Variants in ST3GAL1 observed in about 807,000 individuals in gnomAD.
The protein encoded by ST3GAL1 is CMP-N-acetylneuraminate-beta-galactosamide-alpha-2,3-sialyltransferase 1.
ST3GAL1 carries 16 observed loss-of-function variants against 34.1 expected under a neutral mutation model. The ratio of observed to expected loss-of-function variants is 0.47; its 90% CI spans 0.32 to 0.71. The LOEUF (loss-of-function observed/expected upper bound fraction) is 0.71. Among genes scored for constraint, ST3GAL1 ranks in the 30% least tolerant of loss-of-function variants. The pLI, the probability that ST3GAL1 is intolerant of heterozygous loss-of-function variation, is 0.04. For missense variants in ST3GAL1, 353 were observed against 447.4 expected (o/e 0.79, Z 1.90); for synonymous variants, 191 against 184.7 (o/e 1.03, Z -0.28).
chr8:133,541,102 T>TATATAAAC (rs1818507187), intron 2 of ST3GAL1, among the ~76,000 whole-genome samples: 1 of 44,002 alleles, frequency 2.3e-5, no homozygotes, highest in African/African-American at 1.5e-4. Context: ...TAAACATATA[T>TATATAAAC]ATATATATAT....
chr8:133,463,454 T>C lies in ST3GAL1; in HGVS notation c.689A>G (p.Tyr230Cys), dbSNP rs1292765500. The C allele has an allele frequency of 6.2e-7, 1 of 1,613,808 alleles. No homozygotes were observed. Among genetic ancestry groups the C allele is most frequent in the Non-Finnish European group, 8.5e-7 (1 of 1,179,972 alleles). The change falls in exon 8 of 10, where the codon TAC becomes TGC. Residue 230 changes from tyrosine to cysteine, a missense_variant. Coordinates refer to ENST00000522652, the MANE Select transcript of ST3GAL1 (RefSeq NM_173344.3). ...AITTGTISHT[Y>C]IPVPAKIRVK... Reference sequence around the variant, plus strand: ...TCTGATCTTTGCAGGAACCGGGATGTAGGTGCTGCAGTTGGAGAAAGAGAA... The same window carrying C: ...TCTGATCTTTGCAGGAACCGGGATGCAGGTGCTGCAGTTGGAGAAAGAGAA...
At chr8:133,549,692 G>C (rs1023270481) in intron 1 of ST3GAL1, among the ~76,000 whole-genome samples, 2 of 152,188 alleles carry the variant, frequency 1.3e-5, no homozygotes, top group Non-Finnish European at 2.9e-5. Flanking sequence ...GCCAGGCGTG[G>C]TGGCTCACGC....
In ST3GAL1 at chr8:133,481,326, G is replaced by A. The variant is rs184744400; in HGVS notation, c.-373-4726C>T. ...CTATTTCTGGTTTACTCTTACCCCT[G>A]GGGCATAGCCGTTCTCAACAGGTAA... On this transcript the variant is annotated intron_variant, in intron 3 of 9. Coordinates refer to ENST00000522652, the MANE Select transcript of ST3GAL1 (RefSeq NM_173344.3). 3.1e-3 allele frequency among the ~76,000 whole-genome samples: 479 copies of A among 152,238 alleles called. 3 individuals are homozygous for A. Among genetic ancestry groups the A allele is most frequent in the African/African-American group, 0.011 (458 of 41,536 alleles).
chr8:133,552,439 G>T (rs534237210), intron 1 of ST3GAL1, among the ~76,000 whole-genome samples: 3 of 152,210 alleles, frequency 2.0e-5, no homozygotes, highest in African/African-American at 4.8e-5. Context: ...AGAGCCGTTG[G>T]CTGGGCTGCA....
intron 3 of ST3GAL1, among the ~76,000 whole-genome samples, chr8:133,483,737 G>A (rs1207521344): frequency 1.3e-5 from 2 of 151,916 alleles, no homozygotes; most frequent in Non-Finnish European, 2.9e-5. Flanking sequence ...CACACTGGGG[G>A]AAATGTCAGG....
In ST3GAL1 at chr8:133,501,067, G is replaced by A. The variant is rs79312568; in HGVS notation, c.-428-1878C>T. 2.3e-3 allele frequency among the ~76,000 whole-genome samples: 348 copies of A among 152,236 alleles called. 3 individuals are homozygous for A. Among genetic ancestry groups the A allele is most frequent in the African/African-American group, 7.9e-3 (328 of 41,522 alleles). On this transcript the variant is annotated intron_variant, in intron 2 of 9. Coordinates refer to ENST00000522652, the MANE Select transcript of ST3GAL1 (RefSeq NM_173344.3). ...CACGGCCTTTAATCTGTCTCTCCTC[G>A]GCTAACAGAGCTCTCTAATAAACAA...
intron 2 of ST3GAL1, among the ~76,000 whole-genome samples, chr8:133,539,303 CCCA>C (rs1344574541): frequency 9.2e-5 from 14 of 152,178 alleles, no homozygotes; most frequent in Admixed American, 9.2e-4. Context: ...CACCAGGATT[CCCA>C]CCGCCAACTC....
At chr8:133,535,120 C>T (rs570670733) in intron 2 of ST3GAL1, among the ~76,000 whole-genome samples, 1 of 152,278 alleles carries the variant, frequency 6.6e-6, no homozygotes, top group Admixed American at 6.5e-5. Context: ...AAGCTGAGGG[C>T]TCCCCAGGAA....
intron 5 of ST3GAL1, among the ~76,000 whole-genome samples, chr8:133,470,028 C>G (rs1483580574): frequency 1.3e-5 from 2 of 152,194 alleles, no homozygotes; most frequent in Non-Finnish European, 2.9e-5. Flanking sequence ...CCTCCCCACA[C>G]CAGCTGAGAT....
intron 3 of ST3GAL1, among the ~76,000 whole-genome samples, chr8:133,490,459 G>A (rs1387839325): frequency 1.3e-5 from 2 of 152,250 alleles, no homozygotes; most frequent in Non-Finnish European, 2.9e-5. Flanking sequence ...ATCTGCTCAG[G>A]AGGAACCAGT....
At chr8:133,491,768 C>A (rs1293172244) in intron 3 of ST3GAL1, among the ~76,000 whole-genome samples, 1 of 152,082 alleles carries the variant, frequency 6.6e-6, no homozygotes, top group Admixed American at 6.5e-5. Flanking sequence ...CGACAGCAGG[C>A]ATTTCGCATG....
intron 3 of ST3GAL1, among the ~76,000 whole-genome samples, chr8:133,496,572 CAG>C (rs1344108837): frequency 6.6e-6 from 1 of 152,202 alleles, no homozygotes; most frequent in Non-Finnish European, 1.5e-5. Context: ...GTTCCATTTT[CAG>C]AGTCTCCAGG....
At chr8:133,555,275 C>T (rs1026460846) in intron 1 of ST3GAL1, among the ~76,000 whole-genome samples, 15 of 152,278 alleles carry the variant, frequency 9.9e-5, no homozygotes, top group African/African-American at 2.6e-4. Flanking sequence ...AGGAACAGCA[C>T]GCTTCCCTGG....
chr8:133,529,127 C>T (rs139819827), intron 2 of ST3GAL1, among the ~76,000 whole-genome samples: 218 of 152,320 alleles, frequency 1.4e-3, no homozygotes, highest in African/African-American at 4.8e-3. Flanking sequence ...GCCAGGCATA[C>T]GGGGCTCGCG....
intron 2 of ST3GAL1, among the ~76,000 whole-genome samples, chr8:133,509,924 T>C (rs1035963916): frequency 1.1e-4 from 16 of 152,098 alleles, no homozygotes; most frequent in Admixed American, 5.2e-4. Context: ...CTGGGCTTGG[T>C]GGCACACGCC....
chr8:133,478,442 C>A (rs1816260929), intron 3 of ST3GAL1, among the ~76,000 whole-genome samples: 1 of 152,194 alleles, frequency 6.6e-6, no homozygotes, highest in Admixed American at 6.5e-5. Flanking sequence ...GCTGAACAAC[C>A]CGAACAAATG....
chr8:133,505,474 G>A (rs905727349), intron 2 of ST3GAL1, among the ~76,000 whole-genome samples: 12 of 152,184 alleles, frequency 7.9e-5, no homozygotes, highest in Admixed American at 5.9e-4. Flanking sequence ...TCTGATCCAG[G>A]AAGCTGCTAT....
intron 2 of ST3GAL1, among the ~76,000 whole-genome samples, chr8:133,510,480 A>G (rs1051592531): frequency 5.3e-5 from 8 of 152,204 alleles, no homozygotes; most frequent in African/African-American, 7.2e-5. Flanking sequence ...CACTATGTAC[A>G]TGCCGGGCAA....
rs16904927 is a variant in ST3GAL1, at chr8:133,461,631, C to T, written c.849+244G>A. On this transcript the variant is annotated intron_variant, in intron 9 of 9. Transcript: ENST00000522652. This position sits in a 1 kb window ranked among gnomAD's most constrained non-coding sequence, Gnocchi z 4.7. ...TGCGAGATCCGAGCTTCCACCACCA[C>T]GGTCCTGGGCACTTACACAGAATGT... Among the ~76,000 whole-genome samples, 4,512 of 152,284 alleles carry T rather than the reference C, an allele frequency of 0.03. 113 individuals are homozygous for T. Among genetic ancestry groups the T allele is most frequent in the African/African-American group, 0.065 (2,697 of 41,552 alleles).
Sources: allele counts gnomAD v4.1 joint callset (sites outside exome capture counted in the v4.1 genomes callset), GRCh38; gene constraint gnomAD v4.1.1; non-coding constraint Gnocchi (gnomAD v3.1); transcripts MANE v1.5; gene names NCBI Gene and HGNC (gene_info 2026-07-23, HGNC 2026-07-21).